The following GFRA2 variants were observed in gnomAD, a reference collection of about 807,000 sequenced individuals.
GFRA2 encodes the protein GDNF family receptor alpha 2, also known as GDNF family receptor alpha-2.
GFRA2 carries 17 observed loss-of-function variants against 48.3 expected under a neutral mutation model. The observed-to-expected ratio is 0.35, with a 90% CI of 0.24 to 0.53. GFRA2 has a LOEUF of 0.53. GFRA2 is among the 20% of genes least tolerant of loss of function. The pLI, the probability that GFRA2 is intolerant of heterozygous loss-of-function variation, is 0.93. For missense variants in GFRA2, 660 were observed against 637.3 expected (o/e 1.04, Z -0.38); for synonymous variants, 305 against 257.2 (o/e 1.19, Z -1.78).
In GFRA2 at chr8:21,759,888, CAAAAA is replaced by C. The variant is rs35385607; in HGVS notation, c.440-8951_440-8947del. On this transcript the variant is annotated intron_variant, in intron 3 of 8. Transcript: ENST00000524240. The stretch of plus-strand genomic sequence containing the variant: ...TGGGCAACAGAGCAAGATTGCGTCT[CAAAAA>C]AAAAAAAAAAAAAGAATGACCAGCA... 2.9e-5 allele frequency among the ~76,000 whole-genome samples: 3 copies of C among 105,130 alleles called. No homozygotes were observed. The East Asian group carries it at 7.8e-4, about 27-fold the overall frequency. The allele number at this position is 105,130 out of a possible 152,430, so 69.0% of individuals were successfully genotyped here.
rs201515239 is a variant in GFRA2 at position 21,750,107 on chromosome 8, A to ACACACGCACG, written c.794+480_794+481insCGTGCGTGTG. 6.9e-4 allele frequency among the ~76,000 whole-genome samples: 104 copies of ACACACGCACG among 150,752 alleles called. No individual in the cohort carries two copies. The highest frequency in any genetic ancestry group is 2.3e-3 in the African/African-American group (95 of 40,946). On this transcript the variant is annotated intron_variant, in intron 4 of 8. Coordinates refer to ENST00000524240, the MANE Select transcript of GFRA2 (RefSeq NM_001495.5). This position sits in a 1 kb window ranked among gnomAD's most constrained non-coding sequence, Gnocchi z 5.7. ...TGTGTATACACACACACACACACAC[A>ACACACGCACG]CACGCACATATATAGGTAGAGACTG... is the stretch of plus-strand genomic sequence containing the variant.
chr8:21,761,704 C>T (rs1034670816), intron 3 of GFRA2, among the ~76,000 whole-genome samples: 3 of 152,118 alleles, frequency 2.0e-5, no homozygotes, highest in East Asian at 1.9e-4. Context: ...AATCCCAGCA[C>T]TTTGGGAGGC....
chr8:21,785,253 T>C (rs777532124), intron 1 of GFRA2, among the ~76,000 whole-genome samples: 57 of 152,104 alleles, frequency 3.7e-4, no homozygotes, highest in Non-Finnish European at 7.2e-4. Context: ...TACACAATCT[T>C]AGGGAGGCTC....
At chr8:21,766,926 CACAA>C (rs1368593400) in intron 3 of GFRA2, among the ~76,000 whole-genome samples, 3 of 119,092 alleles carry the variant, frequency 2.5e-5, no homozygotes, top group South Asian at 3.0e-4. Flanking sequence ...TACCTACACA[CACAA>C]ACACCTACAC....
Position 21,750,743 on chromosome 8 carries a change from G to A in GFRA2, c.639C>T (p.Ser213=), listed in dbSNP as rs530960209. 87 of 1,613,878 alleles carry A rather than the reference G, an allele frequency of 5.4e-5. No homozygotes were observed. In the Admixed American group the frequency reaches 1.3e-3, roughly 24 times the overall value. Residue 213 remains serine, a synonymous_variant, in exon 4 of 9, where the codon AGC becomes AGT. Transcript: ENST00000524240. This position sits in a 1 kb window ranked among gnomAD's most constrained non-coding sequence, Gnocchi z 5.7. The stretch of plus-strand genomic sequence containing the variant: ...AGAAGAGCATGCGGTAGGTGTACTC[G>A]CTGGGCACCCGGTCGAAGAACTGGC... ...ALRQFFDRVP[S]EYTYRMLFCS... is the part of the protein sequence containing the mutation.
rs1807403077 is a variant in GFRA2 at position 21,788,553 on chromosome 8, C to A, written c.-394G>T. ...GGGCCTGGGGAGGTGGGGAGAGAGG[C>A]GATTTGCGAGTGAAGGGCTGGAAGG... On this transcript the variant is annotated 5_prime_UTR_variant, in exon 1 of 9. Transcript: ENST00000524240. The A allele has an allele frequency of 2.0e-6, 2 of 1,011,754 alleles. No individual in the cohort carries two copies. The highest frequency in any genetic ancestry group is 2.4e-6 in the Non-Finnish European group (2 of 848,112). The allele number at this position is 1,011,754 out of a possible 1,614,324, so 62.7% of individuals were successfully genotyped here.
At chr8:21,734,355 G>A (rs1804347136) in intron 4 of GFRA2, among the ~76,000 whole-genome samples, 1 of 152,248 alleles carries the variant, frequency 6.6e-6, no homozygotes, top group African/African-American at 2.4e-5. Context: ...CTCTGCCCCT[G>A]CTGCCTTCTG....
At position 21,705,893 on chromosome 8, in the gene GFRA2, C is replaced by A. The variant is rs1360113925; in HGVS notation, c.904+39G>T. ...CCCTGCCCTGCTGAGATGGGGGCAG[C>A]AAGGACCCACAGAGCCCAGGTGAGC... On this transcript the variant is annotated intron_variant, in intron 5 of 8. Coordinates refer to ENST00000524240, the MANE Select transcript of GFRA2 (RefSeq NM_001495.5). 5 of 1,379,192 alleles carry A rather than the reference C, an allele frequency of 3.6e-6. No homozygotes were observed. In the African/African-American group the frequency reaches 5.7e-5, roughly 16 times the overall value. 85.4% of individuals were successfully genotyped at this position (1,379,192 alleles called of 1,614,324 possible).
chr8:21,699,299 TGGCTGCAGAGTC>T (rs1247857281), intron 7 of GFRA2, among the ~76,000 whole-genome samples: 1 of 152,214 alleles, frequency 6.6e-6, no homozygotes, highest in African/African-American at 2.4e-5. Context: ...AGGTGGCCGC[TGGCTGCAGAGTC>T]GGCTGCAGGC....
In GFRA2 at chr8:21,704,964, G is replaced by C. The variant is rs367998365; in HGVS notation, c.1045+21C>G. 8.8e-6 allele frequency: 14 copies of C among 1,594,716 alleles called. 1 individual carries two copies. In the Middle Eastern group the frequency reaches 5.6e-4, roughly 63 times the overall value. On this transcript the variant is annotated intron_variant, in intron 6 of 8. Transcript: ENST00000524240. The stretch of plus-strand genomic sequence containing the variant: ...GGGGTGGGAGGGGCTGCTGGGGTTG[G>C]GGAGAACATCCAGAACTTACGGAGG...
chr8:21,718,311 G>A (rs1043596968), intron 4 of GFRA2, among the ~76,000 whole-genome samples: 19 of 152,164 alleles, frequency 1.2e-4, no homozygotes, highest in African/African-American at 3.6e-4. Context: ...TGACTTGCTC[G>A]TCCTTGCCTT....
chr8:21,747,319 C>T lies in GFRA2; in HGVS notation c.794+3269G>A, dbSNP rs146042653. 1.9e-3 allele frequency among the ~76,000 whole-genome samples: 294 copies of T among 152,270 alleles called. 2 individuals are homozygous for T. Among genetic ancestry groups the T allele is most frequent in the African/African-American group, 6.5e-3 (271 of 41,544 alleles). ...CCTTTATCCCAGCATCCAGGAAGCT[C>T]GGAGCTCAAGTTCAGTCACTGTGGC... On this transcript the variant is annotated intron_variant, in intron 4 of 8. Coordinates refer to ENST00000524240, the MANE Select transcript of GFRA2 (RefSeq NM_001495.5).
At chr8:21,790,074 G>A (rs376688561), upstream of GFRA2, 237 of 985,358 alleles carry the variant, frequency 2.4e-4, 1 homozygote, top group African/African-American at 3.7e-3. Context: ...GCTCACCGGC[G>A]TGTTTTAGTC....
chr8:21,713,830 G>C (rs1803193697), intron 4 of GFRA2, among the ~76,000 whole-genome samples: 1 of 152,150 alleles, frequency 6.6e-6, no homozygotes, highest in African/African-American at 2.4e-5. Flanking sequence ...TTGAGAATGT[G>C]GCCACCTGCA....
At chr8:21,770,629 C>T (rs1806393758) in intron 3 of GFRA2, among the ~76,000 whole-genome samples, 1 of 152,196 alleles carries the variant, frequency 6.6e-6, no homozygotes, top group Non-Finnish European at 1.5e-5. Context: ...CACGGCATGG[C>T]CAGACCCCAG....
chr8:21,735,212 A>G (rs1428863839), intron 4 of GFRA2, among the ~76,000 whole-genome samples: 1 of 152,118 alleles, frequency 6.6e-6, no homozygotes, highest in Non-Finnish European at 1.5e-5. Flanking sequence ...ATCTGTCTCA[A>G]ATTTTCAGGG....
At chr8:21,726,973 A>G (rs1803901331) in intron 4 of GFRA2, among the ~76,000 whole-genome samples, 1 of 151,942 alleles carries the variant, frequency 6.6e-6, no homozygotes, top group Admixed American at 6.6e-5. Context: ...GATGGTCTCG[A>G]TCTCCTGACC....
In GFRA2 at chr8:21,695,120, T is replaced by G. The variant is rs145951106; in HGVS notation, c.1219-603A>C. 5.3e-3 allele frequency among the ~76,000 whole-genome samples: 814 copies of G among 152,316 alleles called. 6 individuals are homozygous for G. Among genetic ancestry groups the G allele is most frequent in the Non-Finnish European group, 7.8e-3 (533 of 68,024 alleles). On this transcript the variant is annotated intron_variant, in intron 7 of 8. Transcript: ENST00000524240. ...CAACTGCACCAGCCCATTTCTGTCC[T>G]ACACGGATGTGCACACCTGGGAACA...
chr8:21,759,542 G>GAAGGA (rs1491237203), intron 3 of GFRA2, among the ~76,000 whole-genome samples: 5 of 149,032 alleles, frequency 3.4e-5, no homozygotes, highest in South Asian at 2.2e-4. Context: ...AGGAAGGAAG[G>GAAGGA]AGGGAAGGAA....
Sources: allele counts gnomAD v4.1 joint callset (sites outside exome capture counted in the v4.1 genomes callset), GRCh38; gene constraint gnomAD v4.1.1; non-coding constraint Gnocchi (gnomAD v3.1); transcripts MANE v1.5; gene names NCBI Gene and HGNC (gene_info 2026-07-23, HGNC 2026-07-21).